Variants in OR51C1 observed in about 807,000 individuals in gnomAD.
OR51C1 encodes the protein olfactory receptor OR51C1.
chr11:4,692,258 G>A, the OR51C1 span: 5 of 365,862 alleles, frequency 1.4e-5, no homozygotes, highest in Non-Finnish European at 2.7e-5. Flanking sequence ...CATAGGAAGT[G>A]ACAAATAAAT....
the OR51C1 span, among the ~76,000 whole-genome samples, chr11:4,695,909 T>G: frequency 6.6e-6 from 1 of 152,192 alleles, no homozygotes; most frequent in African/African-American, 2.4e-5. Flanking sequence ...CCTTGAGATA[T>G]CTTGGTTATT....
At chr11:4,692,470 TATTTTGTTAAGAC>T in the OR51C1 span, among the ~76,000 whole-genome samples, 1 of 152,260 alleles carries the variant, frequency 6.6e-6, no homozygotes, top group African/African-American at 2.4e-5. Context: ...AGAATCTCTC[TATTTTGTTAAGAC>T]ATACTTCTTA....
chr11:4,690,821 G>A, the OR51C1 span: 1 of 450,952 alleles, frequency 2.2e-6, no homozygotes, highest in South Asian at 1.6e-5. Context: ...TTTTCACACT[G>A]TAGATGACAG....
chr11:4,693,064 T>A, the OR51C1 span, among the ~76,000 whole-genome samples: 1 of 152,140 alleles, frequency 6.6e-6, no homozygotes, highest in African/African-American at 2.4e-5. Context: ...TTATAGTTAA[T>A]GTATAGTATA....
chr11:4,691,723 C>A, the OR51C1 span: 1 of 350,602 alleles, frequency 2.9e-6, no homozygotes, highest in African/African-American at 2.2e-5. Context: ...AAGTACAGAA[C>A]GAGATGAGAG....
the OR51C1 span, among the ~76,000 whole-genome samples, chr11:4,694,575 T>TATATACAC: frequency 0.15 from 22,147 of 147,652 alleles, 2,082 homozygotes; most frequent in Non-Finnish European, 0.22. Flanking sequence ...CATATATATA[T>TATATACAC]ACACACACAC....
chr11:4,693,432 G>A, the OR51C1 span, among the ~76,000 whole-genome samples: 1 of 152,192 alleles, frequency 6.6e-6, no homozygotes, highest in African/African-American at 2.4e-5. Context: ...GTGTAAAAGT[G>A]TTGAGCAGGC....
the OR51C1 span, among the ~76,000 whole-genome samples, chr11:4,693,150 T>C: frequency 6.6e-6 from 1 of 152,194 alleles, no homozygotes; most frequent in South Asian, 2.1e-4. Flanking sequence ...GTGATGGATA[T>C]GATAATTAGC....
chr11:4,695,312 T>C, the OR51C1 span, among the ~76,000 whole-genome samples: 5 of 152,352 alleles, frequency 3.3e-5, no homozygotes, highest in South Asian at 1.0e-3. Flanking sequence ...TCTTGTTTAG[T>C]GCCATTGGTT....
chr11:4,697,774 G>A, the OR51C1 span: 1 of 152,580 alleles, frequency 6.6e-6, no homozygotes, highest in African/African-American at 2.4e-5. Context: ...CCTGACTGGA[G>A]ACAGGCACAG....
chr11:4,696,835 A>G, the OR51C1 span, among the ~76,000 whole-genome samples: 1 of 152,162 alleles, frequency 6.6e-6, no homozygotes, highest in Admixed American at 6.5e-5. Flanking sequence ...ACTAGACCTT[A>G]TAGTGTCATC....
chr11:4,694,575 T>TACACAC, the OR51C1 span, among the ~76,000 whole-genome samples: 77 of 147,954 alleles, frequency 5.2e-4, no homozygotes, highest in East Asian at 1.2e-3. Flanking sequence ...CATATATATA[T>TACACAC]ACACACACAC....
chr11:4,697,202 AGCTCGT>A, the OR51C1 span, among the ~76,000 whole-genome samples: 3 of 152,192 alleles, frequency 2.0e-5, no homozygotes, highest in African/African-American at 7.2e-5. Flanking sequence ...TTAATTCCAA[AGCTCGT>A]GCTCTCAAAA....
the OR51C1 span, chr11:4,691,774 A>C: frequency 3.1e-6 from 1 of 320,074 alleles, no homozygotes; most frequent in Non-Finnish European, 6.1e-6. Context: ...GTATTGATCG[A>C]ATTAAAATAA....
the OR51C1 span, among the ~76,000 whole-genome samples, chr11:4,696,441 A>G: frequency 3.9e-5 from 6 of 152,120 alleles, no homozygotes; most frequent in African/African-American, 1.4e-4. Flanking sequence ...AACTGATTCT[A>G]CTCCTGAAAT....
chr11:4,691,764 G>T, the OR51C1 span: 1 of 327,888 alleles, frequency 3.0e-6, no homozygotes. Flanking sequence ...ATTCATTTGT[G>T]TATTGATCGA....
the OR51C1 span, chr11:4,690,911 G>A: frequency 2.2e-6 from 1 of 456,306 alleles, no homozygotes; most frequent in South Asian, 1.6e-5. Context: ...TCCCAAATCT[G>A]TGAACAATGG....
chr11:4,696,720 A>G, the OR51C1 span, among the ~76,000 whole-genome samples: 3 of 152,126 alleles, frequency 2.0e-5, no homozygotes, highest in African/African-American at 7.2e-5. Context: ...TTGTGAAATA[A>G]GCTATATTCT....
At chr11:4,696,050 C>T in the OR51C1 span, among the ~76,000 whole-genome samples, 397 of 152,074 alleles carry the variant, frequency 2.6e-3, 2 homozygotes, top group South Asian at 4.6e-3. Context: ...TGGTTTTAAG[C>T]GTAAAGGTAG....
Sources: allele counts gnomAD v4.1 joint callset (sites outside exome capture counted in the v4.1 genomes callset), GRCh38; gene constraint gnomAD v4.1.1; transcripts MANE v1.5; gene names NCBI Gene and HGNC (gene_info 2026-07-23, HGNC 2026-07-21).